The following CNTNAP2 variants were observed in gnomAD, a reference collection of about 807,000 sequenced individuals.
CNTNAP2 encodes the protein contactin-associated protein-like 2.
In CNTNAP2, 98 loss-of-function variants were observed where a neutral mutation model predicts 155.2. That is an observed-to-expected ratio of 0.63 (90% confidence interval 0.54 to 0.75). The LOEUF (loss-of-function observed/expected upper bound fraction) is 0.75, where lower values mean the gene tolerates loss of function less well. Among genes scored for constraint, CNTNAP2 ranks in the 30% least tolerant of loss-of-function variants. CNTNAP2 has a pLI of 0.00. For synonymous variants in CNTNAP2, 651 were observed against 631.2 expected (o/e 1.03, Z -0.47); for missense variants, 1,727 against 1,688.1 (o/e 1.02, Z -0.40).
intron 1 of CNTNAP2, among the ~76,000 whole-genome samples, chr7:146,304,344 G>A (rs529385238): frequency 6.6e-6 from 1 of 152,168 alleles, no homozygotes; most frequent in African/African-American, 2.4e-5. Flanking sequence ...CTCGTTAGTT[G>A]ATGCAATTTC....
chr7:146,582,124 A>G (rs1010031431), intron 1 of CNTNAP2, among the ~76,000 whole-genome samples: 4 of 152,156 alleles, frequency 2.6e-5, no homozygotes, highest in Non-Finnish European at 5.9e-5. Context: ...TCACAAGTTA[A>G]TGGGTAATCA....
intron 10 of CNTNAP2, among the ~76,000 whole-genome samples, chr7:147,465,391 T>C (rs1798103667): frequency 6.6e-6 from 1 of 152,208 alleles, no homozygotes; most frequent in African/African-American, 2.4e-5. Flanking sequence ...GTGATGTCAG[T>C]GGTCTTTGCT....
intron 1 of CNTNAP2, among the ~76,000 whole-genome samples, chr7:146,150,111 T>G (rs1798015192): frequency 6.6e-6 from 1 of 152,050 alleles, no homozygotes; most frequent in Non-Finnish European, 1.5e-5. Flanking sequence ...GGGGGAAAGA[T>G]TTGCACTGTT....
intron 3 of CNTNAP2, among the ~76,000 whole-genome samples, chr7:146,856,050 G>C (rs1312207074): frequency 7.0e-6 from 1 of 143,244 alleles, no homozygotes; most frequent in Non-Finnish European, 1.5e-5. Context: ...AACACACCTT[G>C]TTATACCAGA....
chr7:146,247,256 C>T (rs1799676535), intron 1 of CNTNAP2, among the ~76,000 whole-genome samples: 2 of 152,102 alleles, frequency 1.3e-5, no homozygotes, highest in Admixed American at 1.3e-4. Flanking sequence ...GGAGCATTAA[C>T]CTTGACTATG....
intron 3 of CNTNAP2, among the ~76,000 whole-genome samples, chr7:146,897,460 C>T (rs113567566): frequency 7.0e-4 from 107 of 152,220 alleles, no homozygotes; most frequent in African/African-American, 2.3e-3. Flanking sequence ...CCAAACAAAG[C>T]TCTTTATGGT....
At chr7:147,039,284 G>A (rs1177144445) in intron 3 of CNTNAP2, among the ~76,000 whole-genome samples, 2 of 152,120 alleles carry the variant, frequency 1.3e-5, no homozygotes, top group Admixed American at 1.3e-4. Context: ...TGTGACAGGG[G>A]TTTGTTGTAC....
chr7:147,802,368 C>A (rs1258911324), intron 13 of CNTNAP2, among the ~76,000 whole-genome samples: 1 of 151,664 alleles, frequency 6.6e-6, no homozygotes, highest in Middle Eastern at 3.4e-3. Flanking sequence ...ACCTCCCAGA[C>A]GGGGTGGCGG....
intron 1 of CNTNAP2, among the ~76,000 whole-genome samples, chr7:146,410,495 T>C (rs1795850367): frequency 6.6e-6 from 1 of 152,172 alleles, no homozygotes; most frequent in South Asian, 2.1e-4. Flanking sequence ...TCTATAGATA[T>C]CATTTTTTTG....
intron 2 of CNTNAP2, among the ~76,000 whole-genome samples, chr7:146,804,117 T>G (rs1267871594): frequency 6.6e-6 from 1 of 152,222 alleles, no homozygotes; most frequent in Admixed American, 6.5e-5. Context: ...ATTATATATA[T>G]GCAGGCACAG....
At chr7:148,168,926 G>A (rs1022479526) in intron 17 of CNTNAP2, among the ~76,000 whole-genome samples, 22 of 152,108 alleles carry the variant, frequency 1.4e-4, no homozygotes, top group Admixed American at 1.0e-3. Context: ...TATTGTAGAA[G>A]GTCTTTATAA....
At chr7:146,419,057 T>C (rs1329165678) in intron 1 of CNTNAP2, among the ~76,000 whole-genome samples, 1 of 152,144 alleles carries the variant, frequency 6.6e-6, no homozygotes, top group African/African-American at 2.4e-5. Context: ...GATTGGGGTA[T>C]GCCTTTATTT....
chr7:147,136,883 A>T (rs2129286284), intron 8 of CNTNAP2, among the ~76,000 whole-genome samples: 1 of 152,038 alleles, frequency 6.6e-6, no homozygotes, highest in East Asian at 1.9e-4. Context: ...AAATGTCTTA[A>T]ATTCTTGTAA....
chr7:146,357,942 A>G (rs1323740761), intron 1 of CNTNAP2, among the ~76,000 whole-genome samples: 2 of 151,716 alleles, frequency 1.3e-5, no homozygotes, highest in Non-Finnish European at 2.9e-5. Context: ...AGGACTATAC[A>G]ACCACACATT....
At chr7:146,377,947 C>T (rs1795326811) in intron 1 of CNTNAP2, among the ~76,000 whole-genome samples, 1 of 152,150 alleles carries the variant, frequency 6.6e-6, no homozygotes. Context: ...GTACCTCCTA[C>T]CTCATCCACA....
intron 1 of CNTNAP2, among the ~76,000 whole-genome samples, chr7:146,141,176 G>A (rs13438653): frequency 0.02 from 3,044 of 152,210 alleles, 95 homozygotes; most frequent in African/African-American, 0.068. Flanking sequence ...TGCTGCTCAT[G>A]GTGTCTAAGT....
intron 9 of CNTNAP2, among the ~76,000 whole-genome samples, chr7:147,342,652 A>G (rs1795784797): frequency 6.6e-6 from 1 of 152,190 alleles, no homozygotes. Context: ...CAAGGACAAA[A>G]TTAGGTTTTA....
intron 1 of CNTNAP2, among the ~76,000 whole-genome samples, chr7:146,354,416 T>TA: frequency 6.7e-6 from 1 of 150,090 alleles, no homozygotes; most frequent in East Asian, 1.9e-4. Context: ...TTAGTATTTT[T>TA]TTTTTTTTTT....
rs997681342 is a variant in CNTNAP2, at chr7:147,643,559, CCTT to C, written c.2098+4255_2098+4257del. On this transcript the variant is annotated intron_variant, in intron 13 of 23. Coordinates refer to ENST00000361727, the MANE Select transcript of CNTNAP2 (RefSeq NM_014141.6). ...TTACTGTAATTGATTTTTTTTTCCT[CCTT>C]CATGGTAACATTCAATTTTAAATAT... 46 of 151,494 alleles carry C rather than the reference CCTT, an allele frequency of 3.0e-4. 1 individual carries two copies. The highest frequency in any genetic ancestry group is 2.6e-3 in the Admixed American group (40 of 15,242). The allele number at this position is 151,494 out of a possible 1,614,324, so 9.4% of individuals were successfully genotyped here. A position where few individuals can be genotyped will look rare whatever the true frequency, so the allele number is the denominator to read the frequency against.
Sources: gnomAD v4.1 joint callset for allele counts (sites outside exome capture counted in the v4.1 genomes callset) on GRCh38, gnomAD v4.1.1 for gene constraint, MANE v1.5 for transcripts, NCBI Gene and HGNC (gene_info 2026-07-23, HGNC 2026-07-21) for gene names.